The following HYDIN variants were observed in gnomAD, a reference collection of about 807,000 sequenced individuals.
HYDIN encodes the protein HYDIN axonemal central pair apparatus protein, also known as axonemal central pair apparatus protein HYDIN.
Under a neutral mutation model 403.9 loss-of-function variants are expected in HYDIN, and 132 were observed. The observed-to-expected ratio is 0.33, with a 90% CI of 0.28 to 0.38. HYDIN has a LOEUF of 0.38. Among genes scored for constraint, HYDIN ranks in the 10% least tolerant of loss-of-function variants. The pLI, the probability that HYDIN is intolerant of heterozygous loss-of-function variation, is 1.00. For synonymous variants in HYDIN, 1,202 were observed against 1,891.7 expected (o/e 0.64, Z 9.46); for missense variants, 2,827 against 5,009.5 (o/e 0.56, Z 13.15).
At chr16:70,968,198 C>A (rs375701992) in intron 36 of HYDIN, among the ~76,000 whole-genome samples, 105 of 76,502 alleles carry the variant, frequency 1.4e-3, no homozygotes, top group African/African-American at 4.6e-3. Flanking sequence ...GAAATGAACC[C>A]GTCAAGTCTG....
intron 18 of HYDIN, among the ~76,000 whole-genome samples, chr16:71,045,269 A>G: frequency 6.6e-6 from 1 of 152,144 alleles, no homozygotes; most frequent in African/African-American, 2.4e-5. Context: ...CAGTTTCTCA[A>G]ACTCATGATT....
In HYDIN at chr16:70,833,933, C is replaced by A. The variant is rs2037188848; in HGVS notation, c.13633G>T (p.Ala4545Ser). 4 of 1,613,656 alleles carry A rather than the reference C, an allele frequency of 2.5e-6. No individual in the cohort carries two copies. Among genetic ancestry groups the A allele is most frequent in the Non-Finnish European group, 3.4e-6 (4 of 1,179,828 alleles). ...TTCATCATGAGGATGCGACGTGTGG[C>A]TTGCGTCTGATACACCACGGGTCCA... ...PFGPVVYQTQ[A>S]TRRILMMNTG... is the part of the protein sequence containing the mutation. Residue 4545 changes from alanine to serine, a missense_variant, in exon 79 of 86, where the codon GCC becomes TCC. Physicochemically the swap from Ala to Ser is moderately conservative, Grantham distance 99. Coordinates refer to ENST00000393567, the MANE Select transcript of HYDIN (RefSeq NM_001270974.2).
At chr16:71,119,040 G>C (rs1457744582) in intron 9 of HYDIN, among the ~76,000 whole-genome samples, 1 of 152,026 alleles carries the variant, frequency 6.6e-6, no homozygotes, top group Admixed American at 6.6e-5. Flanking sequence ...AGTCTCACCA[G>C]AACTGTAGGA....
chr16:71,197,417 A>C (rs185237681), intron 1 of HYDIN, among the ~76,000 whole-genome samples: 20 of 152,318 alleles, frequency 1.3e-4, no homozygotes, highest in African/African-American at 4.8e-4. Flanking sequence ...GCCAACATTC[A>C]GGCTTGGTTC....
intron 36 of HYDIN, among the ~76,000 whole-genome samples, chr16:70,966,266 C>T (rs1214582838): frequency 6.6e-6 from 1 of 151,938 alleles, no homozygotes; most frequent in East Asian, 1.9e-4. Context: ...TTGTGCTTTC[C>T]ACAGAGCCTG....
chr16:70,959,150 CCTTT>C, intron 39 of HYDIN, among the ~76,000 whole-genome samples: 1 of 150,298 alleles, frequency 6.7e-6, no homozygotes, highest in South Asian at 2.1e-4. Context: ...GTTAAAAAAT[CCTTT>C]CTTTATCAAG....
At chr16:71,221,244 G>C (rs2089182816) in intron 1 of HYDIN, among the ~76,000 whole-genome samples, 1 of 148,148 alleles carries the variant, frequency 6.8e-6, no homozygotes, top group African/African-American at 2.5e-5. Context: ...ACCTAACAGA[G>C]AGAAAGGTAT....
At chr16:71,203,513 G>C (rs2088130264) in intron 1 of HYDIN, among the ~76,000 whole-genome samples, 1 of 152,116 alleles carries the variant, frequency 6.6e-6, no homozygotes, top group African/African-American at 2.4e-5. Context: ...ATTAGAATAG[G>C]AGAGAATAAG....
At chr16:71,072,447 C>A (rs1446801568) in intron 13 of HYDIN, among the ~76,000 whole-genome samples, 1 of 152,212 alleles carries the variant, frequency 6.6e-6, no homozygotes, top group Admixed American at 6.5e-5. Flanking sequence ...GTGACTGTGA[C>A]TAAGAAACTG....
At chr16:70,970,949 T>C (rs1214752584) in intron 35 of HYDIN, among the ~76,000 whole-genome samples, 190 bp from the exon 36 acceptor site, 1 of 152,220 alleles carries the variant, frequency 6.6e-6, no homozygotes, top group African/African-American at 2.4e-5. Flanking sequence ...CCAAGCATTG[T>C]ACCAAGTGCT....
In HYDIN at chr16:70,807,347, T is replaced by G. The variant is rs1376626784; in HGVS notation, c.*233A>C. 1 of 484,588 alleles carries G rather than the reference T, an allele frequency of 2.1e-6. No individual in the cohort carries two copies. The highest frequency in any genetic ancestry group is 3.6e-6 in the Non-Finnish European group (1 of 279,728). The allele number at this position is 484,588 out of a possible 1,614,324, so 30.0% of individuals were successfully genotyped here. A position where few individuals can be genotyped will look rare whatever the true frequency, so the allele number is the denominator to read the frequency against. Reference sequence around the variant, plus strand: ...ATGTCAAGAAACTCAATTTAGGGACTCACAAGGATTCAGTTGTCTAAAATA... The same window carrying G: ...ATGTCAAGAAACTCAATTTAGGGACGCACAAGGATTCAGTTGTCTAAAATA... On this transcript the variant is annotated 3_prime_UTR_variant, in exon 86 of 86. Transcript: ENST00000393567.
At chr16:71,156,878 G>C (rs911177366) in intron 6 of HYDIN, among the ~76,000 whole-genome samples, 7 of 151,896 alleles carry the variant, frequency 4.6e-5, no homozygotes, top group African/African-American at 1.7e-4. Context: ...TAGAGTTTTA[G>C]GTCAAATTTA....
At chr16:70,835,499 C>G (rs1033399651) in intron 78 of HYDIN, among the ~76,000 whole-genome samples, 177 bp downstream of exon 78, 8 of 152,162 alleles carry the variant, frequency 5.3e-5, no homozygotes, top group African/African-American at 1.9e-4. Context: ...CTAGTGCACC[C>G]TGTAAAGCCC....
intron 15 of HYDIN, chr16:71,066,676 G>A (rs2082280134): frequency 5.6e-6 from 2 of 356,770 alleles, no homozygotes; most frequent in Non-Finnish European, 1.1e-5. Flanking sequence ...TGCAATGACT[G>A]TAGCTTGGTC....
chr16:71,214,198 C>A (rs1241992107), intron 1 of HYDIN, among the ~76,000 whole-genome samples: 4 of 151,936 alleles, frequency 2.6e-5, no homozygotes, highest in South Asian at 2.1e-4. Flanking sequence ...AGGGCTATAC[C>A]ACAGATGAAA....
chr16:71,126,431 G>C (rs989417822), intron 9 of HYDIN, among the ~76,000 whole-genome samples: 2 of 152,172 alleles, frequency 1.3e-5, no homozygotes, highest in African/African-American at 4.8e-5. Context: ...AATAGGTCAA[G>C]ACCAGAGACA....
intron 10 of HYDIN, among the ~76,000 whole-genome samples, chr16:71,110,141 T>A (rs1597798698): frequency 6.9e-6 from 1 of 143,926 alleles, no homozygotes. Context: ...TTTTTTCCAG[T>A]TATTTGCTTA....
intron 78 of HYDIN, among the ~76,000 whole-genome samples, chr16:70,834,950 G>GTGTGTATATATATATATATACACACA (rs1399274838): frequency 4.2e-4 from 55 of 130,928 alleles, no homozygotes; most frequent in African/African-American, 1.6e-3. Context: ...ACACATATAT[G>GTGTGTATATATATATATATACACACA]TATATATATA....
chr16:71,112,901 GCTATAAATAAAC>G (rs1320092559), intron 10 of HYDIN, among the ~76,000 whole-genome samples: 1 of 152,060 alleles, frequency 6.6e-6, no homozygotes, highest in African/African-American at 2.4e-5. Context: ...ATTATTTAAG[GCTATAAATAAAC>G]CTCATAAGAT....
Sources: allele counts gnomAD v4.1 joint callset (sites outside exome capture counted in the v4.1 genomes callset), GRCh38; gene constraint gnomAD v4.1.1; transcripts MANE v1.5; gene names NCBI Gene and HGNC (gene_info 2026-07-23, HGNC 2026-07-21).